Variants in GLIS3 observed in about 807,000 individuals in gnomAD.
GLIS3 encodes the protein zinc finger protein GLIS3.
A neutral mutation model predicts 78.6 loss-of-function variants in GLIS3; 53 were observed. The observed-to-expected ratio is 0.67, with a 90% confidence interval of 0.54 to 0.85. The LOEUF (loss-of-function observed/expected upper bound fraction) is 0.85. Ranked by LOEUF, GLIS3 falls within the 40% of genes least tolerant of loss-of-function variation. The probability of loss-of-function intolerance (pLI) is 0.00; values close to 1 mark genes in which losing one functional copy is unlikely to be tolerated. For missense variants in GLIS3, 1,703 were observed against 1,231.1 expected (o/e 1.38, Z -5.74); for synonymous variants, 684 against 509.9 (o/e 1.34, Z -4.60).
chr9:3,930,420 G>A (rs973915418), intron 6 of GLIS3, among the ~76,000 whole-genome samples: 4 of 152,162 alleles, frequency 2.6e-5, no homozygotes, highest in Non-Finnish European at 5.9e-5. Flanking sequence ...TTGTTAAAGG[G>A]TGTCTGCAAA....
At chr9:4,274,469 C>A (rs1466575244) in intron 2 of GLIS3, among the ~76,000 whole-genome samples, 2 of 152,020 alleles carry the variant, frequency 1.3e-5, no homozygotes, top group African/African-American at 4.8e-5. Flanking sequence ...GCATATGGGG[C>A]ACACACACCC....
At chr9:4,198,383 G>C (rs1447280663) in intron 2 of GLIS3, among the ~76,000 whole-genome samples, 1 of 152,016 alleles carries the variant, frequency 6.6e-6, no homozygotes, top group African/African-American at 2.4e-5. Flanking sequence ...TCTAGAAGTA[G>C]AAAACTCACT....
chr9:4,380,967 T>G, the GLIS3 span, among the ~76,000 whole-genome samples: 2 of 152,018 alleles, frequency 1.3e-5, no homozygotes, highest in African/African-American at 4.8e-5. Flanking sequence ...CATATAAAAT[T>G]AGAAGAAAAA....
At chr9:3,981,560 C>T (rs775461931) in intron 4 of GLIS3, among the ~76,000 whole-genome samples, 63 of 152,128 alleles carry the variant, frequency 4.1e-4, no homozygotes, top group Non-Finnish European at 7.1e-4. Context: ...AGTCCTAGAC[C>T]ATAAACTTAG....
At chr9:4,410,416 A>G in the GLIS3 span, among the ~76,000 whole-genome samples, 1 of 152,240 alleles carries the variant, frequency 6.6e-6, no homozygotes, top group Admixed American at 6.5e-5. Context: ...TAGGCCAAAA[A>G]GGAAAAAATA....
At chr9:4,479,919 T>C in the GLIS3 span, among the ~76,000 whole-genome samples, 1,218 of 148,664 alleles carry the variant, frequency 8.2e-3, 19 homozygotes, top group African/African-American at 0.029. Flanking sequence ...TTTTTTTTTT[T>C]TTTTTTTGTA....
At chr9:3,944,807 G>A (rs771556994) in intron 4 of GLIS3, among the ~76,000 whole-genome samples, 3 of 152,180 alleles carry the variant, frequency 2.0e-5, no homozygotes, top group South Asian at 4.1e-4. Flanking sequence ...AAAAATAGAC[G>A]TTTATTTAAC....
chr9:4,100,796 A>G (rs376573116), intron 4 of GLIS3, among the ~76,000 whole-genome samples: 2 of 152,196 alleles, frequency 1.3e-5, no homozygotes, highest in East Asian at 1.9e-4. Flanking sequence ...TTACTCATCT[A>G]TGTTATCCCT....
chr9:4,329,733 C>A (rs1817656499), intron 2 of GLIS3, among the ~76,000 whole-genome samples: 1 of 152,084 alleles, frequency 6.6e-6, no homozygotes, highest in South Asian at 2.1e-4. Flanking sequence ...GTGCCAGTAG[C>A]ATCTACCCAG....
chr9:3,898,394 T>C (rs2130598878), intron 7 of GLIS3: 1 of 422,922 alleles, frequency 2.4e-6, no homozygotes, highest in East Asian at 5.1e-5. Context: ...CCTTCGAGTC[T>C]AAATCAAGTG....
intron 9 of GLIS3, among the ~76,000 whole-genome samples, chr9:3,842,112 G>A (rs1387437281): frequency 1.3e-5 from 2 of 152,176 alleles, no homozygotes; most frequent in African/African-American, 2.4e-5. Flanking sequence ...AGGAAGTGCT[G>A]CTGCATCTCA....
At chr9:4,007,809 C>G (rs559504585) in intron 4 of GLIS3, among the ~76,000 whole-genome samples, 1 of 145,978 alleles carries the variant, frequency 6.9e-6, no homozygotes, top group African/African-American at 2.5e-5. Context: ...TTGGAAGGAT[C>G]AGGACTTGGG....
intron 4 of GLIS3, among the ~76,000 whole-genome samples, chr9:4,025,789 C>G (rs1448250873): frequency 6.6e-6 from 1 of 151,964 alleles, no homozygotes; most frequent in African/African-American, 2.4e-5. Flanking sequence ...ATTATCAACT[C>G]AAAAGAAAAT....
At chr9:4,085,412 CT>C (rs1329322907) in intron 4 of GLIS3, among the ~76,000 whole-genome samples, 2 of 152,120 alleles carry the variant, frequency 1.3e-5, no homozygotes, top group Admixed American at 6.5e-5. Context: ...ACCACTTCTC[CT>C]TCTGTAGTAT....
intron 2 of GLIS3, among the ~76,000 whole-genome samples, chr9:4,331,898 A>G (rs1304439847): frequency 6.6e-6 from 1 of 152,182 alleles, no homozygotes; most frequent in East Asian, 1.9e-4. Context: ...ACAAAAAGAA[A>G]TTCAAAATGC....
At chr9:4,483,523 G>T in the GLIS3 span, among the ~76,000 whole-genome samples, 53 of 152,124 alleles carry the variant, frequency 3.5e-4, no homozygotes, top group Middle Eastern at 3.4e-3. Context: ...TTTGAGACCA[G>T]CCTGACCAAC....
intron 2 of GLIS3, among the ~76,000 whole-genome samples, chr9:4,231,399 G>C (rs949419626): frequency 1.3e-5 from 2 of 152,138 alleles, no homozygotes; most frequent in African/African-American, 4.8e-5. Context: ...TGAAAGGCCT[G>C]TAAGATAGAT....
intron 2 of GLIS3, among the ~76,000 whole-genome samples, chr9:4,316,261 C>T (rs1423007241): frequency 6.6e-6 from 1 of 152,194 alleles, no homozygotes; most frequent in Non-Finnish European, 1.5e-5. Context: ...CTTTGCAAAT[C>T]CAGTGACTGC....
In GLIS3 at chr9:4,224,544, C is replaced by G. The variant is rs1490763749; in HGVS notation, c.388+61494G>C. ...ACCTTATGGACACTAAGATTCTACA[C>G]AGCTGATTGTTTTCTCACCGCATTG... is the stretch of plus-strand genomic sequence containing the variant. On this transcript the variant is annotated intron_variant, in intron 2 of 10. Transcript: ENST00000381971. Among the ~76,000 whole-genome samples the G allele has an allele frequency of 2.6e-5, 4 of 152,148 alleles. No homozygotes were observed. The East Asian group carries it at 7.7e-4, about 29-fold the overall frequency.
Sources: allele counts gnomAD v4.1 joint callset (sites outside exome capture counted in the v4.1 genomes callset), GRCh38; gene constraint gnomAD v4.1.1; transcripts MANE v1.5; gene names NCBI Gene and HGNC (gene_info 2026-07-23, HGNC 2026-07-21).